The following KRT8 variants were observed in gnomAD, a reference collection of about 807,000 sequenced individuals.
The protein encoded by KRT8 is keratin, type II cytoskeletal 8.
In KRT8, 24 loss-of-function variants were observed where a neutral mutation model predicts 43.0. The ratio of observed to expected loss-of-function variants is 0.56; its 90% CI spans 0.40 to 0.78. The LOEUF is 0.78. KRT8 is among the 30% of genes least tolerant of loss of function. The pLI is 0.00. For synonymous variants in KRT8, 214 were observed against 261.2 expected, an observed-to-expected ratio of 0.82 and a Z score of 1.74; for missense variants, 492 against 638.4, an observed-to-expected ratio of 0.77 and a Z score of 2.47.
intron 2 of KRT8, among the ~76,000 whole-genome samples, chr12:52,930,550 TTTG>T (rs1174627030): frequency 6.7e-6 from 1 of 148,786 alleles, no homozygotes; most frequent in Non-Finnish European, 1.5e-5. Flanking sequence ...CTTTCCTTTT[TTTG>T]TTGTTGTTCT....
chr12:52,941,680 G>T (rs929989430), intron 2 of KRT8, among the ~76,000 whole-genome samples: 16 of 151,814 alleles, frequency 1.1e-4, no homozygotes, highest in African/African-American at 3.6e-4. Flanking sequence ...TAGAGACAGG[G>T]TTTCTCCATG....
upstream of KRT8, chr12:52,905,147 C>G (rs535174189): frequency 2.2e-6 from 3 of 1,348,996 alleles, no homozygotes; most frequent in South Asian, 4.7e-5. Flanking sequence ...TGGCTAGGCC[C>G]AGAGGGGGCT....
At chr12:52,901,240 A>G (rs1941362079) in intron 2 of KRT8, 21 bp from the exon 3 acceptor site, 1 of 1,590,640 alleles carries the variant, frequency 6.3e-7, no homozygotes, top group Non-Finnish European at 8.6e-7. Flanking sequence ...AAGACTTACA[A>G]TTAGAGGATG....
chr12:52,899,729 C>T, intron 5 of KRT8, 46 bp downstream of exon 5: 1 of 1,545,360 alleles, frequency 6.5e-7, no homozygotes, highest in Admixed American at 1.7e-5. Context: ...CTCCTCTCAC[C>T]AGGATGTGTC....
chr12:52,911,006 G>A (rs778056201), upstream of KRT8, among the ~76,000 whole-genome samples: 1 of 152,144 alleles, frequency 6.6e-6, no homozygotes, highest in Non-Finnish European at 1.5e-5. Flanking sequence ...ACCAAAGGAG[G>A]TAGGAGTCTC....
intron 2 of KRT8, among the ~76,000 whole-genome samples, chr12:52,928,766 C>T (rs1053037370): frequency 3.9e-5 from 6 of 152,074 alleles, no homozygotes; most frequent in Non-Finnish European, 5.9e-5. Flanking sequence ...ATTAGCTGGG[C>T]GTGGTGGCAG....
intron 2 of KRT8, among the ~76,000 whole-genome samples, chr12:52,913,761 C>T (rs950527896): frequency 6.6e-6 from 1 of 152,210 alleles, no homozygotes; most frequent in Admixed American, 6.5e-5. Context: ...GTGTACCACC[C>T]GTCAGAGTCC....
intron 2 of KRT8, among the ~76,000 whole-genome samples, chr12:52,931,319 G>C (rs774879466): frequency 6.6e-6 from 1 of 151,610 alleles, no homozygotes; most frequent in East Asian, 1.9e-4. Context: ...CTCCCGCCTC[G>C]GCCTCCCAAA....
chr12:52,938,438 A>G, intron 2 of KRT8, among the ~76,000 whole-genome samples: 1 of 150,960 alleles, frequency 6.6e-6, no homozygotes, highest in East Asian at 2.0e-4. Flanking sequence ...AAGTGCTGTG[A>G]TTACTAGTGT....
chr12:52,923,380 A>C (rs1565727659), intron 2 of KRT8, among the ~76,000 whole-genome samples: 1 of 152,102 alleles, frequency 6.6e-6, no homozygotes, highest in Non-Finnish European at 1.5e-5. Flanking sequence ...TCATCTATAT[A>C]ATGAAGGGGC....
intron 2 of KRT8, among the ~76,000 whole-genome samples, chr12:52,924,448 CAAAAA>C (rs67999410): frequency 9.0e-6 from 1 of 110,994 alleles, no homozygotes; most frequent in Non-Finnish European, 1.8e-5. Flanking sequence ...GACTCCGTCT[CAAAAA>C]AAAAAAAAAA....
intron 2 of KRT8, among the ~76,000 whole-genome samples, chr12:52,918,174 G>GAAGAAGAA (rs1941794478): frequency 3.0e-5 from 1 of 33,094 alleles, no homozygotes; most frequent in African/African-American, 1.6e-4. Context: ...AAGAAGAAGA[G>GAAGAAGAA]GAAGAGGAAG....
At chr12:52,918,258 A>G (rs947140031) in intron 2 of KRT8, among the ~76,000 whole-genome samples, 1 of 151,720 alleles carries the variant, frequency 6.6e-6, no homozygotes, top group Non-Finnish European at 1.5e-5. Flanking sequence ...AAGAAGAAGA[A>G]ACAAAACAGA....
rs750588420 is a variant in KRT8 at position 52,902,068 on chromosome 12, C to T, written c.329G>A (p.Arg110Gln). 3.1e-6 allele frequency: 5 copies of T among 1,594,496 alleles called. No homozygotes were observed. The South Asian group carries it at 3.3e-5, about 11-fold the overall frequency. ...CATCTTGTTCTGCTGCTCCAGGAAC[C>T]GTACCTATACGAAGGAGGAGAGAGC... The change falls in exon 2 of 8, where the codon CGG becomes CAG. Residue 110 changes from arginine to glutamine, a missense_variant. Arg to Gln is a conservative substitution (Grantham distance 43). This residue lies in a region of KRT8 where 19 missense variants were observed against 55.1 expected (regional missense o/e 0.34). Coordinates refer to ENST00000692008, the Ensembl canonical transcript of KRT8.
intron 1 of KRT8, among the ~76,000 whole-genome samples, chr12:52,903,160 T>C (rs1941417239): frequency 6.6e-6 from 1 of 152,212 alleles, no homozygotes; most frequent in Non-Finnish European, 1.5e-5. Flanking sequence ...AAAAAGTGAT[T>C]ATAACATCTT....
chr12:52,924,565 G>A (rs1261974899), intron 2 of KRT8, among the ~76,000 whole-genome samples: 1 of 151,956 alleles, frequency 6.6e-6, no homozygotes, highest in Non-Finnish European at 1.5e-5. Flanking sequence ...TTCCAGCTTG[G>A]GCGACAGAGC....
At chr12:52,939,364 T>C (rs1942229977) in intron 2 of KRT8, among the ~76,000 whole-genome samples, 1 of 151,898 alleles carries the variant, frequency 6.6e-6, no homozygotes, top group Admixed American at 6.6e-5. Context: ...ATTAGCCTGG[T>C]GTGGTGGCAC....
intron 2 of KRT8, among the ~76,000 whole-genome samples, chr12:52,938,170 A>ATATATATATATTTTTTTTT (rs1555189967): frequency 6.6e-5 from 2 of 30,306 alleles, no homozygotes; most frequent in African/African-American, 1.4e-4. Flanking sequence ...ATATATATAT[A>ATATATATATATTTTTTTTT]TTTTTTTTTT....
At chr12:52,900,956 G>T in intron 3 of KRT8, 1 of 650,184 alleles carries the variant, frequency 1.5e-6, no homozygotes, top group Non-Finnish European at 2.8e-6. Context: ...TCTGAACCAT[G>T]TCCCAACACC....
Sources: gnomAD v4.1 joint callset for allele counts (sites outside exome capture counted in the v4.1 genomes callset) on GRCh38, gnomAD v4.1.1 for gene constraint, gnomAD v4.1.1 regional missense constraint, MANE v1.5 for transcripts, NCBI Gene and HGNC (gene_info 2026-07-23, HGNC 2026-07-21) for gene names.